The following SUGCT variants were observed in gnomAD, a reference collection of about 807,000 sequenced individuals.
The protein encoded by SUGCT is succinyl-CoA:glutarate CoA-transferase.
In SUGCT, 41 loss-of-function variants were observed where a neutral mutation model predicts 55.0. The ratio of observed to expected loss-of-function variants is 0.74; its 90% CI spans 0.58 to 0.97. The LOEUF is 0.97. SUGCT is among the 50% of genes least tolerant of loss of function. SUGCT has a pLI of 0.00. For synonymous variants in SUGCT, 187 were observed against 200.4 expected (o/e 0.93, Z 0.56); for missense variants, 568 against 547.8 (o/e 1.04, Z -0.37).
chr7:40,422,932 T>G (rs1394312465), intron 9 of SUGCT, among the ~76,000 whole-genome samples: 1 of 152,138 alleles, frequency 6.6e-6, no homozygotes, highest in Non-Finnish European at 1.5e-5. Flanking sequence ...ATATTATCTT[T>G]AAATAAAGCA....
intron 1 of SUGCT, among the ~76,000 whole-genome samples, chr7:40,163,824 AT>A (rs774642100): frequency 3.1e-3 from 437 of 141,140 alleles, no homozygotes; most frequent in Middle Eastern, 3.6e-3. Flanking sequence ...TTTGAATTGA[AT>A]TTTTTTTTTT....
chr7:40,369,698 T>G (rs1376370706), intron 9 of SUGCT, among the ~76,000 whole-genome samples: 1 of 152,166 alleles, frequency 6.6e-6, no homozygotes, highest in Non-Finnish European at 1.5e-5. Context: ...TGTCAGAGAT[T>G]CCAGTTGACA....
At chr7:40,415,001 C>T (rs1427065338) in intron 9 of SUGCT, among the ~76,000 whole-genome samples, 2 of 145,724 alleles carry the variant, frequency 1.4e-5, no homozygotes, top group African/African-American at 2.6e-5. Context: ...GCCGAGGTCA[C>T]GCCACTGCAC....
intron 12 of SUGCT, among the ~76,000 whole-genome samples, chr7:40,712,836 T>C (rs1785798797): frequency 6.6e-6 from 1 of 152,246 alleles, no homozygotes; most frequent in African/African-American, 2.4e-5. Context: ...TATTTTATTC[T>C]TTTGAAACCT....
chr7:40,741,318 A>G (rs1206959401), intron 12 of SUGCT, among the ~76,000 whole-genome samples: 1 of 152,126 alleles, frequency 6.6e-6, no homozygotes, highest in Non-Finnish European at 1.5e-5. Context: ...GCCAGTAGAA[A>G]AGCTTCTTGA....
chr7:40,216,911 A>G (rs1787697067), intron 6 of SUGCT, among the ~76,000 whole-genome samples: 1 of 151,892 alleles, frequency 6.6e-6, no homozygotes, highest in African/African-American at 2.4e-5. Flanking sequence ...CATATAAGAA[A>G]GAATAAAAAT....
At chr7:40,951,392 T>C in the SUGCT span, among the ~76,000 whole-genome samples, 8 of 152,110 alleles carry the variant, frequency 5.3e-5, no homozygotes, top group Admixed American at 4.6e-4. Context: ...TTTGTTGATC[T>C]TTTCAAAAAA....
chr7:40,805,459 G>C (rs990924457), intron 13 of SUGCT, among the ~76,000 whole-genome samples: 2 of 152,064 alleles, frequency 1.3e-5, no homozygotes, highest in Non-Finnish European at 2.9e-5. Context: ...GGGGCATGAG[G>C]CCAAAAAAGC....
At chr7:40,850,489 T>C (rs746836355) in intron 13 of SUGCT, among the ~76,000 whole-genome samples, 1 of 152,054 alleles carries the variant, frequency 6.6e-6, no homozygotes, top group Non-Finnish European at 1.5e-5. Flanking sequence ...AGTTAAAAGG[T>C]AAAAGGGTAT....
At chr7:40,184,411 T>G (rs1358431228) in intron 3 of SUGCT, among the ~76,000 whole-genome samples, 1 of 152,046 alleles carries the variant, frequency 6.6e-6, no homozygotes, top group Non-Finnish European at 1.5e-5. Context: ...GGAACCATAG[T>G]TGTGCGCAAC....
chr7:40,552,087 G>T (rs1041674889), intron 12 of SUGCT, among the ~76,000 whole-genome samples: 1 of 152,098 alleles, frequency 6.6e-6, no homozygotes, highest in African/African-American at 2.4e-5. Flanking sequence ...CATTCCCCAC[G>T]TCACAGCACA....
intron 12 of SUGCT, among the ~76,000 whole-genome samples, chr7:40,623,333 A>G (rs907118943): frequency 7.2e-5 from 11 of 152,186 alleles, no homozygotes; most frequent in Non-Finnish European, 1.3e-4. Flanking sequence ...TTGTCCGTAA[A>G]TATTTATCCC....
At chr7:40,832,740 T>C (rs1792758898) in intron 13 of SUGCT, among the ~76,000 whole-genome samples, 6 of 151,254 alleles carry the variant, frequency 4.0e-5, no homozygotes, top group Admixed American at 4.0e-4. Flanking sequence ...AGTGGCCCAA[T>C]CTTGGCTCAC....
chr7:40,839,356 C>T (rs980529011), intron 13 of SUGCT, among the ~76,000 whole-genome samples: 8 of 152,154 alleles, frequency 5.3e-5, no homozygotes, highest in African/African-American at 1.9e-4. Context: ...AATCTTCCCA[C>T]CTTAGCCTCC....
intron 12 of SUGCT, among the ~76,000 whole-genome samples, chr7:40,730,797 C>T (rs1454946768): frequency 6.6e-6 from 1 of 152,170 alleles, no homozygotes; most frequent in East Asian, 1.9e-4. Flanking sequence ...ACTTGTCTTT[C>T]TATGCCTGGC....
chr7:40,165,877 T>C (rs1189857481), intron 1 of SUGCT, among the ~76,000 whole-genome samples: 1 of 152,154 alleles, frequency 6.6e-6, no homozygotes, highest in Non-Finnish European at 1.5e-5. Flanking sequence ...CGCAGAACTT[T>C]GGGAGGCCGA....
chr7:40,414,639 G>A (rs1786870673), intron 9 of SUGCT, among the ~76,000 whole-genome samples: 1 of 152,124 alleles, frequency 6.6e-6, no homozygotes, highest in African/African-American at 2.4e-5. Flanking sequence ...GGGCGTGGTG[G>A]TTCATGCCTG....
At chr7:40,888,563 G>A in the SUGCT span, among the ~76,000 whole-genome samples, 1 of 152,088 alleles carries the variant, frequency 6.6e-6, no homozygotes. Context: ...AAAAATTAAT[G>A]ACATTCTAAG....
chr7:40,605,750 G>T (rs1001031841), intron 12 of SUGCT, among the ~76,000 whole-genome samples: 7 of 152,220 alleles, frequency 4.6e-5, no homozygotes, highest in African/African-American at 1.7e-4. Flanking sequence ...GATCTGCTCT[G>T]CAGGCTGGTG....
Sources: gnomAD v4.1 joint callset for allele counts (sites outside exome capture counted in the v4.1 genomes callset) on GRCh38, gnomAD v4.1.1 for gene constraint, MANE v1.5 for transcripts, NCBI Gene and HGNC (gene_info 2026-07-23, HGNC 2026-07-21) for gene names.